The following ZEB2 variants were observed in gnomAD, a reference collection of about 807,000 sequenced individuals.
The protein encoded by ZEB2 is zinc finger E-box-binding homeobox 2.
Under a neutral mutation model 99.9 loss-of-function variants are expected in ZEB2, and 6 were observed. That is an observed-to-expected ratio of 0.06 (90% confidence interval 0.03 to 0.12). The LOEUF is 0.12. Ranked by LOEUF, ZEB2 falls within the 10% of genes least tolerant of loss-of-function variation. The pLI is 1.00. For synonymous variants in ZEB2, 517 were observed against 542.5 expected (o/e 0.95, Z 0.65); for missense variants, 969 against 1,502.8 (o/e 0.64, Z 5.87).
intron 2 of ZEB2, chr2:144,511,291 A>ATT: frequency 1.3e-6 from 1 of 751,540 alleles, no homozygotes. Context: ...AAGCCAAAAG[A>ATT]TACACGCATG....
rs150194912 is a variant in ZEB2, at chr2:144,425,092, A to T, written c.332-225T>A. 99 of 554,100 alleles carry T rather than the reference A, an allele frequency of 1.8e-4. No individual in the cohort carries two copies. The East Asian group carries it at 2.9e-3, about 16-fold the overall frequency. 34.3% of individuals were successfully genotyped at this position (554,100 alleles called of 1,614,324 possible). On this transcript the variant is annotated intron_variant, in intron 3 of 9. Transcript: ENST00000627532. ...ATTACTGCAAGCTGTGAAAAACAGA[A>T]GTGCTTATTTGGAGCAAATGAAGGG...
rs1553968390 is a variant in ZEB2, at chr2:144,483,150, A to ACACACACACATGCG, written c.73+34127_73+34128insCGCATGTGTGTGTG. On this transcript the variant is annotated intron_variant, in intron 2 of 9. Transcript: ENST00000627532. ...CACACACACACACACACACACACAC[A>ACACACACACATGCG]CACACACACACACATACCCTAAGAC... Among the ~76,000 whole-genome samples the ACACACACACATGCG allele has an allele frequency of 6.4e-3, 958 of 149,638 alleles. 6 individuals carry two copies. The highest frequency in any genetic ancestry group is 0.025 in the East Asian group (125 of 4,970).
At chr2:144,409,115 GT>G (rs1287545065) in intron 4 of ZEB2, among the ~76,000 whole-genome samples, 2 of 152,148 alleles carry the variant, frequency 1.3e-5, no homozygotes, top group African/African-American at 4.8e-5. Flanking sequence ...TGAGGCCGAG[GT>G]GCACCTTGCA....
chr2:144,421,704 C>T (rs1703620841), intron 4 of ZEB2, among the ~76,000 whole-genome samples: 1 of 150,788 alleles, frequency 6.6e-6, no homozygotes, highest in Non-Finnish European at 1.5e-5. Context: ...TTCCTCCCCA[C>T]CCACCAGGAG....
intron 2 of ZEB2, among the ~76,000 whole-genome samples, chr2:144,484,020 ATT>A (rs1048984721): frequency 6.6e-6 from 1 of 152,124 alleles, no homozygotes; most frequent in African/African-American, 2.4e-5. Flanking sequence ...CTTGGAGAGA[ATT>A]GGGGTCCCAC....
chr2:144,411,738 G>A (rs1323652181), intron 4 of ZEB2, among the ~76,000 whole-genome samples: 1 of 152,160 alleles, frequency 6.6e-6, no homozygotes, highest in Non-Finnish European at 1.5e-5. Flanking sequence ...TTTCTCCAGG[G>A]AACACATGTT....
rs771155056 is a variant in ZEB2, at chr2:144,404,938, C to G, written c.490G>C (p.Glu164Gln). Residue 164 changes from glutamate (E) to glutamine (Q), a missense_variant, in exon 5 of 10, where the codon GAG becomes CAG. Coordinates refer to ENST00000627532, the MANE Select transcript of ZEB2 (RefSeq NM_014795.4). Reference protein sequence around the residue: ...EERDGHAVSIEEYLQRSDTAI... With the variant: ...EERDGHAVSIQEYLQRSDTAI... ...GTGTCACTGCGCTGAAGGTACTCCT[C>G]GATGCTGACTGCATGACCATCGCGT... is the stretch of plus-strand genomic sequence containing the variant. The G allele has an allele frequency of 4.3e-6, 7 of 1,614,236 alleles. No homozygotes were observed. The highest frequency in any genetic ancestry group is 3.3e-5 in the South Asian group (3 of 91,090).
chr2:144,517,641 C>T (rs760007384), intron 1 of ZEB2: 2 of 678,552 alleles, frequency 2.9e-6, no homozygotes, highest in South Asian at 3.0e-5. Context: ...GCGAGGGGAT[C>T]AGAGAGACAA....
At chr2:144,455,506 G>A (rs973384998) in intron 2 of ZEB2, among the ~76,000 whole-genome samples, 38 of 152,160 alleles carry the variant, frequency 2.5e-4, no homozygotes, top group Non-Finnish European at 4.4e-4. Flanking sequence ...CTTTGAGGAA[G>A]CATACGGTTT....
intron 2 of ZEB2, among the ~76,000 whole-genome samples, chr2:144,490,999 G>A (rs776485156): frequency 3.9e-5 from 6 of 152,252 alleles, no homozygotes; most frequent in Non-Finnish European, 5.9e-5. Context: ...CCGTTATGTA[G>A]TGCCGTGTCA....
intron 2 of ZEB2, chr2:144,516,429 A>G (rs1573820299): frequency 1.3e-5 from 1 of 79,620 alleles, no homozygotes; most frequent in African/African-American, 4.7e-5. Flanking sequence ...GGACCTACCA[A>G]ACTCTCACCC....
rs571308661 is a variant in ZEB2 at position 144,490,248 on chromosome 2, C to G, written c.73+27030G>C. ...AGTCAAGTTATTTAACTTTGCTAAG[C>G]CACAGTTTCCTGATTTGTCACATCT... On this transcript the variant is annotated intron_variant, in intron 2 of 9. Transcript: ENST00000627532. 2.0e-5 allele frequency among the ~76,000 whole-genome samples: 3 copies of G among 152,220 alleles called. No homozygotes were observed. The South Asian group carries it at 6.2e-4, about 32-fold the overall frequency.
At chr2:144,401,117 C>T in intron 7 of ZEB2, 82 bp downstream of exon 7, 1 of 1,249,328 alleles carries the variant, frequency 8.0e-7, no homozygotes. Flanking sequence ...ACAAATAGGA[C>T]TGTGTAAATT....
chr2:144,449,465 T>C (rs1203916541), intron 2 of ZEB2, among the ~76,000 whole-genome samples: 1 of 152,078 alleles, frequency 6.6e-6, no homozygotes, highest in African/African-American at 2.4e-5. Flanking sequence ...AAAACAACAA[T>C]GCTAACAAAA....
At chr2:144,414,126 T>C (rs774893151) in intron 4 of ZEB2, among the ~76,000 whole-genome samples, 20 of 152,230 alleles carry the variant, frequency 1.3e-4, no homozygotes, top group Non-Finnish European at 2.4e-4. Flanking sequence ...GGATCTTTAC[T>C]TGGGGTTCAA....
At chr2:144,482,214 T>C (rs1177797328) in intron 2 of ZEB2, 1 of 152,246 alleles carries the variant, frequency 6.6e-6, no homozygotes, top group Non-Finnish European at 1.5e-5. Flanking sequence ...GGTTTCTTTT[T>C]ATTTGCAGGT....
At chr2:144,432,621 G>A (rs184813250) in intron 2 of ZEB2, among the ~76,000 whole-genome samples, 4 of 152,120 alleles carry the variant, frequency 2.6e-5, no homozygotes, top group South Asian at 4.2e-4. Flanking sequence ...GTTCCCTCAC[G>A]TCTAGTCAGT....
intron 2 of ZEB2, among the ~76,000 whole-genome samples, chr2:144,476,340 C>T (rs1704429872): frequency 6.6e-6 from 1 of 152,130 alleles, no homozygotes; most frequent in Non-Finnish European, 1.5e-5. Flanking sequence ...AGGGCAGTAC[C>T]TATCATGAAG....
At chr2:144,481,313 G>T (rs1359574514) in intron 2 of ZEB2, among the ~76,000 whole-genome samples, 2 of 152,192 alleles carry the variant, frequency 1.3e-5, no homozygotes, top group Non-Finnish European at 2.9e-5. Flanking sequence ...GCTGCATGCT[G>T]TATGTGGCCC....
Sources: allele counts gnomAD v4.1 joint callset (sites outside exome capture counted in the v4.1 genomes callset), GRCh38; gene constraint gnomAD v4.1.1; transcripts MANE v1.5; gene names NCBI Gene and HGNC (gene_info 2026-07-23, HGNC 2026-07-21).